MARCHF5: variants seen among roughly 807,000 people sequenced by gnomAD.
MARCHF5 encodes the protein membrane associated ring-CH-type finger 5, also known as E3 ubiquitin-protein ligase MARCHF5.
A neutral mutation model predicts 36.5 loss-of-function variants in MARCHF5; 5 were observed. The observed-to-expected ratio is 0.14, with a 90% CI of 0.07 to 0.29. MARCHF5 has a LOEUF of 0.29. Among genes scored for constraint, MARCHF5 ranks in the 10% least tolerant of loss-of-function variants. The pLI, the probability that MARCHF5 is intolerant of heterozygous loss-of-function variation, is 1.00. For synonymous variants in MARCHF5, 103 were observed against 109.9 expected (o/e 0.94, Z 0.39); for missense variants, 179 against 336.3 (o/e 0.53, Z 3.66).
chr10:92,295,310 CTTTTCTTTTTTTTTTTTT>C (rs1474223815), intron 1 of MARCHF5, among the ~76,000 whole-genome samples: 3 of 26,242 alleles, frequency 1.1e-4, no homozygotes, highest in South Asian at 1.3e-3. Context: ...CTAGAGGCAA[CTTTTCTTTTTTTTTTTTT>C]TTTTTTTTTT....
chr10:92,297,150 G>A (rs960206808), intron 1 of MARCHF5, among the ~76,000 whole-genome samples: 6 of 150,164 alleles, frequency 4.0e-5, no homozygotes, highest in Non-Finnish European at 7.4e-5. Context: ...ATATAGAAAA[G>A]TATATTAATA....
rs1230866005 is a variant in MARCHF5, at chr10:92,291,372, G to T, written c.-123G>T. 2.3e-6 allele frequency: 2 copies of T among 875,794 alleles called. No individual in the cohort carries two copies. Among genetic ancestry groups the T allele is most frequent in the Non-Finnish European group, 3.7e-6 (2 of 545,220 alleles). The allele number at this position is 875,794 out of a possible 1,614,324, so 54.3% of individuals were successfully genotyped here. A position where few individuals can be genotyped will look rare whatever the true frequency, so the allele number is the denominator to read the frequency against. ...CTAGCGGAGCTGCCCCGGGAAGCTG[G>T]GTGACGGGTTCGCGGCTGCCGCCGG... is the stretch of plus-strand genomic sequence containing the variant. On this transcript the variant is annotated 5_prime_UTR_variant, in exon 1 of 6. Coordinates refer to ENST00000358935, the MANE Select transcript of MARCHF5 (RefSeq NM_017824.5).
intron 1 of MARCHF5, among the ~76,000 whole-genome samples, chr10:92,303,727 T>G (rs1843042860): frequency 6.6e-6 from 1 of 152,262 alleles, no homozygotes; most frequent in East Asian, 1.9e-4. Flanking sequence ...CTGTTTACTC[T>G]TTATTAGTTT....
chr10:92,298,152 C>G (rs1030833377), intron 1 of MARCHF5, among the ~76,000 whole-genome samples: 2 of 149,384 alleles, frequency 1.3e-5, no homozygotes, highest in African/African-American at 4.8e-5. Context: ...GAGCTGAGAT[C>G]GTGCCACTGC....
chr10:92,314,660 G>A (rs563091007), intron 2 of MARCHF5, among the ~76,000 whole-genome samples: 1 of 149,772 alleles, frequency 6.7e-6, no homozygotes, highest in East Asian at 2.0e-4. Context: ...AAAAAAAAAA[G>A]TATATCCTTC....
intron 2 of MARCHF5, among the ~76,000 whole-genome samples, chr10:92,325,922 G>A (rs780529269): frequency 5.3e-5 from 8 of 152,240 alleles, no homozygotes; most frequent in East Asian, 3.9e-4. Context: ...CCAGTGATCC[G>A]CCTGCCTTGG....
At chr10:92,305,331 T>G (rs921903098) in intron 1 of MARCHF5, among the ~76,000 whole-genome samples, 5 of 151,744 alleles carry the variant, frequency 3.3e-5, no homozygotes, top group Non-Finnish European at 7.4e-5. Flanking sequence ...TGCTTGAACC[T>G]GGAAGGCAGA....
chr10:92,342,072 T>G (rs946995810), intron 3 of MARCHF5, among the ~76,000 whole-genome samples: 3 of 149,752 alleles, frequency 2.0e-5, no homozygotes, highest in African/African-American at 7.4e-5. Flanking sequence ...GTGCTGGAGG[T>G]ACGGGTGTAA....
At chr10:92,302,963 A>G (rs1046592165) in intron 1 of MARCHF5, among the ~76,000 whole-genome samples, 3 of 151,982 alleles carry the variant, frequency 2.0e-5, no homozygotes, top group Non-Finnish European at 4.4e-5. Context: ...CTACATTCCA[A>G]TTTTCATCAC....
chr10:92,304,884 G>T lies in MARCHF5; in HGVS notation c.36-6251G>T, dbSNP rs566760264. Among the ~76,000 whole-genome samples the T allele has an allele frequency of 5.9e-5, 9 of 152,224 alleles. No homozygotes were observed. In the East Asian group the frequency reaches 1.7e-3, roughly 29 times the overall value. On this transcript the variant is annotated intron_variant, in intron 1 of 5. Coordinates refer to ENST00000358935, the MANE Select transcript of MARCHF5 (RefSeq NM_017824.5). ...AAAGAGATTCTATCATTAAACCTAT[G>T]TAGTTAGCAGGGGTTTGAACCCAGA... is the stretch of plus-strand genomic sequence containing the variant.
chr10:92,333,903 T>C (rs1256252162), intron 2 of MARCHF5, among the ~76,000 whole-genome samples: 1 of 152,062 alleles, frequency 6.6e-6, no homozygotes, highest in Non-Finnish European at 1.5e-5. Flanking sequence ...AAGTTGCCAT[T>C]TGAGGGCCGG....
intron 2 of MARCHF5, among the ~76,000 whole-genome samples, chr10:92,323,844 T>G (rs1045007268): frequency 6.6e-6 from 1 of 152,256 alleles, no homozygotes; most frequent in Non-Finnish European, 1.5e-5. Context: ...TTGGCTATTA[T>G]GAATAAAGCT....
intron 3 of MARCHF5, among the ~76,000 whole-genome samples, chr10:92,347,329 C>CA (rs1843656646): frequency 6.6e-6 from 1 of 152,022 alleles, no homozygotes; most frequent in Non-Finnish European, 1.5e-5. Context: ...ACTAAAAATA[C>CA]AAAAAAGTAG....
chr10:92,320,832 G>A (rs1453722275), intron 2 of MARCHF5, among the ~76,000 whole-genome samples: 1 of 152,014 alleles, frequency 6.6e-6, no homozygotes, highest in Non-Finnish European at 1.5e-5. Flanking sequence ...TGTACAATGT[G>A]TATAAAGTCT....
At chr10:92,291,556 G>C (rs1590638081) in intron 1 of MARCHF5, 27 bp downstream of exon 1, 2 of 1,526,388 alleles carry the variant, frequency 1.3e-6, no homozygotes, top group East Asian at 2.5e-5. Context: ...GGGGGACCGG[G>C]AGCCGCCGAC....
rs867130938 is a variant in MARCHF5, at chr10:92,349,481, C to T, written c.502C>T (p.Leu168=). The change falls in exon 4 of 6, where the codon CTG becomes TTG. Residue 168 remains leucine (L), a synonymous_variant. Coordinates refer to ENST00000358935, the MANE Select transcript of MARCHF5 (RefSeq NM_017824.5). Reference sequence around the variant, plus strand: ...TCGCTGGGAGGACTATGTGCTTAGACTGTGGCGCAAATACTCGAATAAACT... The same window carrying T: ...TCGCTGGGAGGACTATGTGCTTAGATTGTGGCGCAAATACTCGAATAAACT... ...MIRWEDYVLR[L]WRKYSNKLQI... is the part of the protein sequence containing the mutation. 1.2e-6 allele frequency: 2 copies of T among 1,614,058 alleles called. No homozygotes were observed. Among genetic ancestry groups the T allele is most frequent in the Non-Finnish European group, 1.7e-6 (2 of 1,180,000 alleles).
At chr10:92,300,979 G>A (rs1416694447) in intron 1 of MARCHF5, among the ~76,000 whole-genome samples, 6 of 148,416 alleles carry the variant, frequency 4.0e-5, no homozygotes, top group East Asian at 2.0e-4. Flanking sequence ...TGCAGCCTCC[G>A]GGTTCAAGCG....
chr10:92,347,516 A>ATT (rs1843661494), intron 3 of MARCHF5, among the ~76,000 whole-genome samples: 3 of 44,860 alleles, frequency 6.7e-5, no homozygotes, highest in Non-Finnish European at 1.6e-4. Context: ...ATAGATAGAT[A>ATT]GATAGATGAT....
chr10:92,337,927 A>G (rs1843524422), intron 2 of MARCHF5, among the ~76,000 whole-genome samples: 1 of 151,566 alleles, frequency 6.6e-6, no homozygotes, highest in South Asian at 2.1e-4. Flanking sequence ...TAATCCTAGC[A>G]CTTTGGGAAA....
Sources: allele counts gnomAD v4.1 joint callset (sites outside exome capture counted in the v4.1 genomes callset), GRCh38; gene constraint gnomAD v4.1.1; transcripts MANE v1.5; gene names NCBI Gene and HGNC (gene_info 2026-07-23, HGNC 2026-07-21).